The following PARD3 variants were observed in gnomAD, a reference collection of about 807,000 sequenced individuals.
The protein encoded by PARD3 is partitioning defective 3 homolog.
A neutral mutation model predicts 155.4 loss-of-function variants in PARD3; 75 were observed. That is an observed-to-expected ratio of 0.48 (90% CI 0.40 to 0.58). PARD3 has a LOEUF of 0.58. PARD3 is among the 20% of genes least tolerant of loss of function. The pLI is 0.00. For synonymous variants in PARD3, 576 were observed against 610.5 expected, an observed-to-expected ratio of 0.94 and a Z score of 0.83; for missense variants, 1,642 against 1,721.7, an observed-to-expected ratio of 0.95 and a Z score of 0.82.
chr10:34,668,278 C>T (rs573782812), intron 2 of PARD3, among the ~76,000 whole-genome samples: 1 of 152,280 alleles, frequency 6.6e-6, no homozygotes, highest in South Asian at 2.1e-4. Flanking sequence ...CAAAAAAGTT[C>T]TGTGGTTACT....
intron 12 of PARD3, among the ~76,000 whole-genome samples, chr10:34,367,484 T>C (rs1425469485): frequency 1.3e-5 from 2 of 152,132 alleles, no homozygotes; most frequent in African/African-American, 4.8e-5. Context: ...GGCGGGCAGA[T>C]CACGAGGTCA....
At chr10:34,115,277 A>G (rs188047948) in intron 24 of PARD3, among the ~76,000 whole-genome samples, 324 of 152,278 alleles carry the variant, frequency 2.1e-3, no homozygotes, top group African/African-American at 7.2e-3. Flanking sequence ...GCAGACACGG[A>G]GCCGAGGGAG....
At chr10:34,274,134 A>T (rs1303095711) in intron 21 of PARD3, among the ~76,000 whole-genome samples, 1 of 152,230 alleles carries the variant, frequency 6.6e-6, no homozygotes, top group Non-Finnish European at 1.5e-5. Flanking sequence ...TTAGGAAGTT[A>T]GAAATTTTTA....
chr10:34,471,563 T>A (rs745349021), intron 3 of PARD3, among the ~76,000 whole-genome samples: 1 of 152,076 alleles, frequency 6.6e-6, no homozygotes, highest in African/African-American at 2.4e-5. Context: ...TACTGACTGA[T>A]TGACTGGTTG....
intron 9 of PARD3, among the ~76,000 whole-genome samples, chr10:34,381,912 C>CAAAAAAA (rs202053812): frequency 3.1e-4 from 22 of 71,866 alleles, no homozygotes; most frequent in Non-Finnish European, 4.0e-4. Flanking sequence ...GGCCCTGTCT[C>CAAAAAAA]AAAAAAAAAA....
chr10:34,765,900 C>T (rs896928438), intron 1 of PARD3, among the ~76,000 whole-genome samples: 9 of 152,144 alleles, frequency 5.9e-5, no homozygotes, highest in Non-Finnish European at 7.3e-5. Flanking sequence ...TATTATTACA[C>T]ACACACCCCA....
intron 2 of PARD3, among the ~76,000 whole-genome samples, chr10:34,671,460 A>G (rs2093609286): frequency 6.6e-6 from 1 of 152,240 alleles, no homozygotes; most frequent in Non-Finnish European, 1.5e-5. Context: ...ATTTTAAAAA[A>G]ACTTTAAAAT....
At chr10:34,794,849 T>TA (rs1025566403) in intron 1 of PARD3, among the ~76,000 whole-genome samples, 9 of 150,946 alleles carry the variant, frequency 6.0e-5, no homozygotes, top group Admixed American at 1.3e-4. Context: ...CACATAACAA[T>TA]AAAAAAAAAT....
chr10:34,111,502 A>G lies in PARD3; in HGVS notation c.3729T>C (p.Pro1243=), dbSNP rs114455384. The change falls in exon 25 of 25, where the codon CCT becomes CCC. Residue 1243 remains proline, a synonymous_variant. Coordinates refer to ENST00000374788, the MANE Select transcript of PARD3 (RefSeq NM_001184785.2). ...CTTTGGCACTCTGGAAGCCTTCCCC[A>G]GGGGAGTAGTTCTGCTCCCAAGAGT... ...SQDSWEQNYS[P]GEGFQSAKEN... The G allele has an allele frequency of 1.4e-4, 225 of 1,613,962 alleles. No homozygotes were observed. The African/African-American group carries it at 2.8e-3, about 20-fold the overall frequency.
At chr10:34,345,596 T>C (rs1837330287) in intron 15 of PARD3, 1 of 984,538 alleles carries the variant, frequency 1.0e-6, no homozygotes, top group Non-Finnish European at 1.2e-6. Context: ...CAATAAACAC[T>C]GTTGTTATTG....
At chr10:34,602,580 G>A (rs755606541) in intron 2 of PARD3, among the ~76,000 whole-genome samples, 18 of 152,136 alleles carry the variant, frequency 1.2e-4, no homozygotes, top group Non-Finnish European at 2.4e-4. Context: ...AAAATCATAC[G>A]ACAAAATACT....
chr10:34,386,494 T>C (rs1842359100), intron 7 of PARD3, among the ~76,000 whole-genome samples: 2 of 152,184 alleles, frequency 1.3e-5, no homozygotes, highest in South Asian at 4.1e-4. Flanking sequence ...TTTGTTTCTA[T>C]CTGCAACTGA....
intron 2 of PARD3, among the ~76,000 whole-genome samples, chr10:34,651,781 ACTTAT>A (rs1219100163): frequency 2.0e-5 from 3 of 152,224 alleles, no homozygotes; most frequent in Non-Finnish European, 2.9e-5. Flanking sequence ...CAATTTGGCC[ACTTAT>A]CTTCTGCTCA....
intron 12 of PARD3, among the ~76,000 whole-genome samples, chr10:34,366,798 T>C (rs1840009385): frequency 6.6e-6 from 1 of 152,126 alleles, no homozygotes; most frequent in Non-Finnish European, 1.5e-5. Context: ...AACCTCTTAA[T>C]AAAAGAATAA....
At chr10:34,523,468 A>T (rs559832512) in intron 2 of PARD3, among the ~76,000 whole-genome samples, 23 of 152,364 alleles carry the variant, frequency 1.5e-4, no homozygotes, top group African/African-American at 5.5e-4. Flanking sequence ...GGCCCTGGAT[A>T]AAGTACAAAA....
chr10:34,600,260 G>A (rs955167241), intron 2 of PARD3, among the ~76,000 whole-genome samples: 7 of 151,986 alleles, frequency 4.6e-5, no homozygotes, highest in African/African-American at 1.2e-4. Context: ...GTGAAGGATC[G>A]CCTGAGTCTG....
chr10:34,523,483 T>C (rs528762948), intron 2 of PARD3, among the ~76,000 whole-genome samples: 21 of 152,298 alleles, frequency 1.4e-4, no homozygotes, highest in African/African-American at 4.8e-4. Context: ...ACAAAACATG[T>C]TGGAGAATAC....
Position 34,727,574 on chromosome 10 carries a change from T to A in PARD3, c.121-31155A>T, listed in dbSNP as rs1174800942. 1.2e-4 allele frequency among the ~76,000 whole-genome samples: 18 copies of A among 152,154 alleles called. 1 individual carries two copies. The East Asian group carries it at 3.5e-3, about 29-fold the overall frequency. On this transcript the variant is annotated intron_variant, in intron 1 of 24. Transcript: ENST00000374788. The stretch of plus-strand genomic sequence containing the variant: ...CAATGAGAGATTGCTATGTTTATTT[T>A]TTTTTTGAACGACAACAACAAAAAA...
chr10:34,577,684 T>G (rs1177966004), intron 2 of PARD3, among the ~76,000 whole-genome samples: 1 of 152,150 alleles, frequency 6.6e-6, no homozygotes, highest in African/African-American at 2.4e-5. Context: ...AAAAAAAATT[T>G]CATCACTAAC....
Sources: allele counts gnomAD v4.1 joint callset (sites outside exome capture counted in the v4.1 genomes callset), GRCh38; gene constraint gnomAD v4.1.1; transcripts MANE v1.5; gene names NCBI Gene and HGNC (gene_info 2026-07-23, HGNC 2026-07-21).